The following NSD1 variants were observed in gnomAD, a reference collection of about 807,000 sequenced individuals.
The protein encoded by NSD1 is histone-lysine N-methyltransferase, H3 lysine-36 specific.
NSD1 carries 26 observed loss-of-function variants against 242.7 expected under a neutral mutation model. That is an observed-to-expected ratio of 0.11 (90% CI 0.08 to 0.15). The LOEUF (loss-of-function observed/expected upper bound fraction) is 0.15. NSD1 is among the 10% of genes least tolerant of loss of function. The pLI is 1.00. For synonymous variants in NSD1, 1,106 were observed against 1,178.1 expected, an observed-to-expected ratio of 0.94 and a Z score of 1.25; for missense variants, 2,495 against 3,272.8, an observed-to-expected ratio of 0.76 and a Z score of 5.80.
intron 3 of NSD1, among the ~76,000 whole-genome samples, chr5:177,202,439 C>CA (rs746019299): frequency 3.3e-5 from 5 of 151,940 alleles, no homozygotes; most frequent in Admixed American, 6.6e-5. Flanking sequence ...AGTGCAGTGG[C>CA]GTGATAATGG....
Position 177,196,600 on chromosome 5 carries a change from C to A in NSD1, c.1063+4581C>A, listed in dbSNP as rs117595321. On this transcript the variant is annotated intron_variant, in intron 3 of 22. Coordinates refer to ENST00000439151, the MANE Select transcript of NSD1 (RefSeq NM_022455.5). ...ATCACTGGATGGCTGAATAGATCGT[C>A]ATTTACTGAGAGAACACCAGAGCAT... Among the ~76,000 whole-genome samples, 11 of 152,288 alleles carry A rather than the reference C, an allele frequency of 7.2e-5. No individual in the cohort carries two copies. The East Asian group carries it at 2.1e-3, about 29-fold the overall frequency.
chr5:177,158,017 GTTTC>G (rs1758279743), intron 2 of NSD1, among the ~76,000 whole-genome samples: 1 of 152,100 alleles, frequency 6.6e-6, no homozygotes, highest in South Asian at 2.1e-4. Context: ...CGGACATTTT[GTTTC>G]TTCCACTTTG....
At chr5:177,207,272 T>A (rs1051278182) in intron 4 of NSD1, among the ~76,000 whole-genome samples, 8 of 151,416 alleles carry the variant, frequency 5.3e-5, no homozygotes, top group Non-Finnish European at 8.8e-5. Context: ...ATTTATTTTT[T>A]AATTTATTTA....
chr5:177,273,779 A>T lies in NSD1; in HGVS notation c.5617A>T (p.Ile1873Leu). 1 of 1,604,122 alleles carries T rather than the reference A, an allele frequency of 6.2e-7. No homozygotes were observed. The highest frequency in any genetic ancestry group is 8.5e-7 in the Non-Finnish European group (1 of 1,171,082). Residue 1873 changes from isoleucine to leucine, a missense_variant, in exon 17 of 23, where the codon ATA becomes TTA. Ile to Leu is a conservative substitution (Grantham distance 5, BLOSUM62 2). Around this residue, in one of 19 missense-constraint regions of NSD1, gnomAD observed 114 missense variants for 247.4 expected, o/e 0.46. Coordinates refer to ENST00000439151, the MANE Select transcript of NSD1 (RefSeq NM_022455.5). Reference sequence around the variant, plus strand: ...CAAGAAGCCACCACCTTATAAACATATAAAGGTGAGGAGAAAATCTTGGGG... The same window carrying T: ...CAAGAAGCCACCACCTTATAAACATTTAAAGGTGAGGAGAAAATCTTGGGG... ...NDKKPPPYKH[I>L]KVNRPIGRVQ...
intron 2 of NSD1, among the ~76,000 whole-genome samples, chr5:177,190,782 G>T (rs1761607395): frequency 6.6e-6 from 1 of 150,854 alleles, no homozygotes; most frequent in Admixed American, 6.6e-5. Flanking sequence ...CCATTCTCCT[G>T]CCTCAGCCTC....
At position 177,135,706 on chromosome 5, in the gene NSD1, T is replaced by G. The variant is rs1432465950; in HGVS notation, c.603T>G (p.Asn201Lys). 1.9e-6 allele frequency: 3 copies of G among 1,614,196 alleles called. No individual in the cohort carries two copies. The highest frequency in any genetic ancestry group is 2.5e-6 in the Non-Finnish European group (3 of 1,180,048). Residue 201 changes from asparagine (N) to lysine (K), a missense_variant, in exon 2 of 23, where the codon AAT (asparagine) becomes AAG (lysine). Coordinates refer to ENST00000439151, the MANE Select transcript of NSD1 (RefSeq NM_022455.5). ...GCAATTATGAGACTAAATCAGAGAA[T>G]GGTGTAAAAGTGGCCATGGGAAGTG... ...ATCNYETKSE[N>K]GVKVAMGSEQ...
Position 177,298,128 on chromosome 5 carries a change from G to A in NSD1, c.*2669G>A. On this transcript the variant is annotated 3_prime_UTR_variant, in exon 23 of 23. Coordinates refer to ENST00000439151, the MANE Select transcript of NSD1 (RefSeq NM_022455.5). ...ACTGTTGGGAAATGTGACTCTTGGA[G>A]GAAGGTGGGGAGGGAGTGGCCTTGC... 2 of 233,134 alleles carry A rather than the reference G, an allele frequency of 8.6e-6. No homozygotes were observed. Among genetic ancestry groups the A allele is most frequent in the Non-Finnish European group, 1.7e-5 (2 of 118,022 alleles). The allele number at this position is 233,134 out of a possible 1,614,324, so 14.4% of individuals were successfully genotyped here. A position where few individuals can be genotyped will look rare whatever the true frequency, so the allele number is the denominator to read the frequency against.
Position 177,135,985 on chromosome 5 carries a change from A to G in NSD1, c.882A>G (p.Glu294=). ...SSTSTLGNML[E]LPGTSSSSTS... ...CCAGTACATTAGGAAACATGCTAGA[A>G]TTACCTGGAACTTCATCATCATCTA... The change falls in exon 2 of 23, where the codon GAA becomes GAG. Residue 294 remains glutamate (E), a synonymous_variant. Transcript: ENST00000439151. 1.2e-6 allele frequency: 2 copies of G among 1,614,162 alleles called. No homozygotes were observed. Among genetic ancestry groups the G allele is most frequent in the Non-Finnish European group, 1.7e-6 (2 of 1,180,038 alleles).
At chr5:177,165,505 T>G (rs1325854329) in intron 2 of NSD1, among the ~76,000 whole-genome samples, 2 of 152,174 alleles carry the variant, frequency 1.3e-5, no homozygotes, top group African/African-American at 4.8e-5. Context: ...TAAGAATTCC[T>G]TATATATTTT....
chr5:177,289,330 A>G (rs1300553977), intron 21 of NSD1, among the ~76,000 whole-genome samples: 1 of 152,176 alleles, frequency 6.6e-6, no homozygotes, highest in Non-Finnish European at 1.5e-5. Context: ...CAAAAAAAAA[A>G]AGAAAAATTC....
At chr5:177,249,742 C>G (rs889363023) in intron 11 of NSD1, among the ~76,000 whole-genome samples, 2 of 152,202 alleles carry the variant, frequency 1.3e-5, no homozygotes, top group Admixed American at 6.5e-5. Context: ...CCGCCTCGGC[C>G]TCCCAAAGTG....
intron 5 of NSD1, among the ~76,000 whole-genome samples, chr5:177,219,178 T>A (rs1764037875): frequency 6.6e-6 from 1 of 151,918 alleles, no homozygotes; most frequent in African/African-American, 2.4e-5. Context: ...TTTTGCTGCA[T>A]CCCATAAGTT....
chr5:177,167,171 AG>A (rs1759275148), intron 2 of NSD1, among the ~76,000 whole-genome samples: 1 of 152,190 alleles, frequency 6.6e-6, no homozygotes, highest in African/African-American at 2.4e-5. Context: ...AATTCAAAAG[AG>A]ACTAATTTTT....
At chr5:177,248,542 C>T (rs1334208182) in intron 11 of NSD1, among the ~76,000 whole-genome samples, 1 of 152,026 alleles carries the variant, frequency 6.6e-6, no homozygotes, top group Non-Finnish European at 1.5e-5. Flanking sequence ...GCCCTTAAGG[C>T]CCATGAAGGA....
intron 14 of NSD1, among the ~76,000 whole-genome samples, chr5:177,262,330 G>A (rs956757573): frequency 6.6e-6 from 1 of 150,564 alleles, no homozygotes; most frequent in East Asian, 1.9e-4. Flanking sequence ...AGCCGAACAC[G>A]GTGGTGCATG....
chr5:177,210,111 CTT>C lies in NSD1; in HGVS notation c.1713_1714del (p.Ser572LeufsTer11). ...ACTGCCCCAGGAAGTTTTCTGTTTT[CTT>C]CCTGTGGAAAAAACACTGCAAAGAA... On this transcript the variant is annotated frameshift_variant, in exon 5 of 23. Coordinates refer to ENST00000439151, the MANE Select transcript of NSD1 (RefSeq NM_022455.5). LOFTEE classifies it high-confidence loss of function. The C allele has an allele frequency of 6.2e-7, 1 of 1,613,488 alleles. No individual in the cohort carries two copies. The highest frequency in any genetic ancestry group is 8.5e-7 in the Non-Finnish European group (1 of 1,179,822).
chr5:177,143,759 T>G (rs925886848), intron 2 of NSD1, among the ~76,000 whole-genome samples: 2 of 152,010 alleles, frequency 1.3e-5, no homozygotes, highest in South Asian at 4.1e-4. Context: ...ATTGGAGGGT[T>G]GTTAAGTCTA....
chr5:177,162,020 G>T (rs116010824), intron 2 of NSD1, among the ~76,000 whole-genome samples: 2,772 of 152,050 alleles, frequency 0.018, 33 homozygotes, highest in Non-Finnish European at 0.028. Flanking sequence ...AATTGAGGCC[G>T]GGCGCTGTGG....
At chr5:177,170,264 G>A (rs1338230366) in intron 2 of NSD1, among the ~76,000 whole-genome samples, 6 of 152,066 alleles carry the variant, frequency 3.9e-5, no homozygotes, top group Non-Finnish European at 7.3e-5. Flanking sequence ...GAGCCACCGC[G>A]CCCAGCTGTG....
Sources: gnomAD v4.1 joint callset for allele counts (sites outside exome capture counted in the v4.1 genomes callset) on GRCh38, gnomAD v4.1.1 for gene constraint, gnomAD v4.1.1 regional missense constraint, MANE v1.5 for transcripts, NCBI Gene and HGNC (gene_info 2026-07-23, HGNC 2026-07-21) for gene names.